Variants in PLEKHA7 observed in about 807,000 individuals in gnomAD.
PLEKHA7 encodes pleckstrin homology domain containing A7, also known as pleckstrin homology domain-containing family A member 7.
Under a neutral mutation model 170.0 loss-of-function variants are expected in PLEKHA7, and 104 were observed. The observed-to-expected ratio is 0.61, with a 90% confidence interval of 0.52 to 0.72. The LOEUF is 0.72. PLEKHA7 is among the 30% of genes least tolerant of loss of function. The pLI, the probability that PLEKHA7 is intolerant of heterozygous loss-of-function variation, is 0.00. For missense variants in PLEKHA7, 1,615 were observed against 1,671.7 expected (o/e 0.97, Z 0.59); for synonymous variants, 648 against 660.8 (o/e 0.98, Z 0.30).
chr11:16,933,279 G>A (rs1438660737), intron 3 of PLEKHA7, among the ~76,000 whole-genome samples: 3 of 152,236 alleles, frequency 2.0e-5, no homozygotes, highest in African/African-American at 7.2e-5. Flanking sequence ...GCCTATCACA[G>A]TAAGTGGAGG....
intron 3 of PLEKHA7, among the ~76,000 whole-genome samples, chr11:16,886,130 A>C (rs1372237910): frequency 1.3e-5 from 2 of 152,228 alleles, no homozygotes; most frequent in Non-Finnish European, 2.9e-5. Flanking sequence ...GAAGAGTGGT[A>C]CCAGTGGATG....
intron 9 of PLEKHA7, among the ~76,000 whole-genome samples, chr11:16,829,578 C>G (rs1850940294): frequency 6.6e-6 from 1 of 152,128 alleles, no homozygotes; most frequent in East Asian, 1.9e-4. Context: ...GGGTTCAAGA[C>G]CAGCCCGACC....
intron 9 of PLEKHA7, among the ~76,000 whole-genome samples, chr11:16,832,171 C>T (rs889981493): frequency 2.6e-5 from 4 of 152,166 alleles, no homozygotes; most frequent in Non-Finnish European, 4.4e-5. Flanking sequence ...AGCCCACGTC[C>T]CTGATTGCAT....
intron 3 of PLEKHA7, among the ~76,000 whole-genome samples, chr11:16,954,433 T>C (rs1478634886): frequency 6.6e-6 from 1 of 151,604 alleles, no homozygotes; most frequent in Non-Finnish European, 1.5e-5. Flanking sequence ...ACTCAGGAGG[T>C]TGAGACAGGA....
intron 3 of PLEKHA7, among the ~76,000 whole-genome samples, chr11:16,995,200 G>A (rs1163268031): frequency 6.6e-6 from 1 of 152,194 alleles, no homozygotes; most frequent in Non-Finnish European, 1.5e-5. Flanking sequence ...GCTAGTCAGT[G>A]GCAGGGCTGG....
At position 16,790,841 on chromosome 11, in the gene PLEKHA7, T is replaced by G; in HGVS notation, c.3009A>C (p.Gly1003=). The G allele has an allele frequency of 1.9e-6, 3 of 1,609,942 alleles. No individual in the cohort carries two copies. Among genetic ancestry groups the G allele is most frequent in the Non-Finnish European group, 2.5e-6 (3 of 1,178,344 alleles). Residue 1003 remains glycine, a synonymous_variant, in exon 21 of 27, where the codon GGA becomes GGC. Transcript: ENST00000531066. ...GGTACCTGCTCTCAGGGCCCACAAG[T>G]CCTAGGGAGGGCTGGGCCATGTCCC... ...LSGDMAQPSL[G]LVGPESRYQT...
At chr11:16,885,203 G>T (rs1187168240) in intron 3 of PLEKHA7, among the ~76,000 whole-genome samples, 1 of 152,016 alleles carries the variant, frequency 6.6e-6, no homozygotes, top group African/African-American at 2.4e-5. Flanking sequence ...GGTGGCACAT[G>T]CCTGTAATCT....
chr11:16,899,628 G>C (rs934165886), intron 3 of PLEKHA7, among the ~76,000 whole-genome samples: 4 of 152,204 alleles, frequency 2.6e-5, no homozygotes, highest in Non-Finnish European at 5.9e-5. Flanking sequence ...CTGGGAAAGG[G>C]AAAGCAAACA....
Position 17,014,331 on chromosome 11 carries a change from C to T in PLEKHA7, c.71G>A (p.Arg24His). ...CGCGCCGCACTTGATGAAGAAGACGCGGCCATCCCGGCACACCCCGTAGGA... is the reference window on the plus strand; with the variant it reads ...CGCGCCGCACTTGATGAAGAAGACGTGGCCATCCCGGCACACCCCGTAGGA... ...HWSYGVCRDG[R>H]VFFINDQLRC... Residue 24 changes from arginine to histidine, a missense_variant, in exon 1 of 27, where the codon CGC (arginine) becomes CAC (histidine). Coordinates refer to ENST00000531066, the MANE Select transcript of PLEKHA7 (RefSeq NM_001329630.2). 6.9e-7 allele frequency: 1 copy of T among 1,447,266 alleles called. No homozygotes were observed. Among genetic ancestry groups the T allele is most frequent in the Non-Finnish European group, 9.1e-7 (1 of 1,095,350 alleles). 89.7% of individuals were successfully genotyped at this position (1,447,266 alleles called of 1,614,324 possible). A position where few individuals can be genotyped will look rare whatever the true frequency, so the allele number is the denominator to read the frequency against.
In PLEKHA7 at chr11:16,779,919, G is replaced by T. The variant is rs1179874054; in HGVS notation, c.3794-899C>A. 7.4e-5 allele frequency among the ~76,000 whole-genome samples: 11 copies of T among 148,158 alleles called. No homozygotes were observed. In the Admixed American group the frequency reaches 7.5e-4, roughly 10 times the overall value. On this transcript the variant is annotated intron_variant, in intron 26 of 26. Coordinates refer to ENST00000531066, the MANE Select transcript of PLEKHA7 (RefSeq NM_001329630.2). ...CAAACCCCAGCACTTAACAAGCTGC[G>T]ATTCCTTGCGCATATCCCTCAAGGC...
intron 4 of PLEKHA7, among the ~76,000 whole-genome samples, chr11:16,869,506 T>C (rs1335111604): frequency 6.6e-6 from 1 of 152,258 alleles, no homozygotes; most frequent in African/African-American, 2.4e-5. Flanking sequence ...GAGATATGCA[T>C]GTAATGCCTC....
At chr11:16,790,150 C>T (rs1847740076) in intron 21 of PLEKHA7, 1 of 460,138 alleles carries the variant, frequency 2.2e-6, no homozygotes, top group African/African-American at 2.0e-5. Context: ...GACTGGGCTG[C>T]CTGGCAGGTA....
rs189572112 is a variant in PLEKHA7 at position 17,010,013 on chromosome 11, C to T, written c.221+3976G>A. ...TAGATTTCTTATACATTTTGTCCCTCATTAATGCAAAATTGAACAAAAAGT... is the reference window on the plus strand; with the variant it reads ...TAGATTTCTTATACATTTTGTCCCTTATTAATGCAAAATTGAACAAAAAGT... On this transcript the variant is annotated intron_variant, in intron 3 of 26. Coordinates refer to ENST00000531066, the MANE Select transcript of PLEKHA7 (RefSeq NM_001329630.2). 5.7e-3 allele frequency among the ~76,000 whole-genome samples: 861 copies of T among 152,250 alleles called. 6 individuals are homozygous for T. Among genetic ancestry groups the T allele is most frequent in the Non-Finnish European group, 9.4e-3 (639 of 68,026 alleles).
intron 3 of PLEKHA7, among the ~76,000 whole-genome samples, chr11:16,952,397 T>C (rs1316024703): frequency 6.6e-6 from 1 of 152,030 alleles, no homozygotes; most frequent in Non-Finnish European, 1.5e-5. Flanking sequence ...AAGCAAAACA[T>C]AGAGTGCTTG....
chr11:16,811,817 C>CGGGA (rs1177053769), intron 13 of PLEKHA7, among the ~76,000 whole-genome samples: 1 of 152,196 alleles, frequency 6.6e-6, no homozygotes, highest in Non-Finnish European at 1.5e-5. Flanking sequence ...CTAGTGCCAC[C>CGGGA]TCCCCTCTGC....
chr11:16,870,708 T>G lies in PLEKHA7; in HGVS notation c.305+391A>C, dbSNP rs574010964. Among the ~76,000 whole-genome samples, 7 of 150,006 alleles carry G rather than the reference T, an allele frequency of 4.7e-5. No homozygotes were observed. The East Asian group carries it at 1.4e-3, about 30-fold the overall frequency. ...TGAACTCCTGGGCTCAAATCCATCC[T>G]CCCACCTCAGCCTCCCAAGTATCTG... is the stretch of plus-strand genomic sequence containing the variant. On this transcript the variant is annotated intron_variant, in intron 4 of 26. Transcript: ENST00000531066.
intron 4 of PLEKHA7, 66 bp downstream of exon 4, chr11:16,871,033 T>C: frequency 1.5e-6 from 2 of 1,332,372 alleles, no homozygotes; most frequent in South Asian, 2.4e-5. Context: ...GTAAGTTTTG[T>C]TTTCAGCAAA....
chr11:16,858,477 T>C (rs1244151435), intron 4 of PLEKHA7, among the ~76,000 whole-genome samples: 1 of 152,004 alleles, frequency 6.6e-6, no homozygotes, highest in Non-Finnish European at 1.5e-5. Flanking sequence ...TTTTGCACCT[T>C]GCAATCTTTA....
chr11:16,893,745 G>A (rs993575372), intron 3 of PLEKHA7, among the ~76,000 whole-genome samples: 11 of 152,324 alleles, frequency 7.2e-5, no homozygotes, highest in East Asian at 1.9e-4. Flanking sequence ...CTCTTACTCC[G>A]TAAACCAGGA....
Sources: allele counts gnomAD v4.1 joint callset (sites outside exome capture counted in the v4.1 genomes callset), GRCh38; gene constraint gnomAD v4.1.1; transcripts MANE v1.5; gene names NCBI Gene and HGNC (gene_info 2026-07-23, HGNC 2026-07-21).